The following RALA variants were observed in gnomAD, a reference collection of about 807,000 sequenced individuals.
RALA encodes the protein ras-related protein Ral-A.
Under a neutral mutation model 24.0 loss-of-function variants are expected in RALA, and 5 were observed. That is an observed-to-expected ratio of 0.21 (90% CI 0.11 to 0.44). RALA has a LOEUF of 0.44. RALA is among the 20% of genes least tolerant of loss of function. The probability of loss-of-function intolerance (pLI) is 0.99; values close to 1 mark genes in which losing one functional copy is unlikely to be tolerated. For missense variants in RALA, 95 were observed against 241.2 expected (o/e 0.39, Z 4.01); for synonymous variants, 77 against 83.8 (o/e 0.92, Z 0.44).
Position 39,686,849 on chromosome 7 carries a change from G to A in RALA, c.114+68G>A. The A allele has an allele frequency of 3.2e-6, 4 of 1,231,066 alleles. No individual in the cohort carries two copies. The South Asian group carries it at 5.2e-5, about 16-fold the overall frequency. 76.3% of individuals were successfully genotyped at this position (1,231,066 alleles called of 1,614,324 possible). On this transcript the variant is annotated intron_variant, in intron 2 of 4. Coordinates refer to ENST00000005257, the MANE Select transcript of RALA (RefSeq NM_005402.4). ...AGAGTATTTCCCTAGCTTAGTTTTGGTGCTATTTTGTATGGATTGTTTGAA... is the reference window on the plus strand; with the variant it reads ...AGAGTATTTCCCTAGCTTAGTTTTGATGCTATTTTGTATGGATTGTTTGAA...
chr7:39,700,033 G>A (rs936263453), intron 4 of RALA, among the ~76,000 whole-genome samples: 2 of 152,232 alleles, frequency 1.3e-5, no homozygotes, highest in Non-Finnish European at 2.9e-5. Flanking sequence ...GGCCAGCTGC[G>A]GGACTTGAGT....
In RALA at chr7:39,657,521, C is replaced by T. The variant is rs577126361; in HGVS notation, c.-37-29110C>T. Among the ~76,000 whole-genome samples, 67 of 152,244 alleles carry T rather than the reference C, an allele frequency of 4.4e-4. 1 individual carries two copies. Among genetic ancestry groups the T allele is most frequent in the African/African-American group, 1.4e-3 (60 of 41,554 alleles). On this transcript the variant is annotated intron_variant, in intron 1 of 4. Coordinates refer to ENST00000005257, the MANE Select transcript of RALA (RefSeq NM_005402.4). ...ATACTGAAGGATATTGTATTGGAGACGGTCCCAGGAAAGCCCTACTTTCTG... is the reference window on the plus strand; with the variant it reads ...ATACTGAAGGATATTGTATTGGAGATGGTCCCAGGAAAGCCCTACTTTCTG...
chr7:39,660,006 C>CT (rs1177145497), intron 1 of RALA, among the ~76,000 whole-genome samples: 1 of 152,122 alleles, frequency 6.6e-6, no homozygotes, highest in Non-Finnish European at 1.5e-5. Context: ...GAGTCTGAAT[C>CT]TGTCTGCCCA....
At position 39,634,872 on chromosome 7, in the gene RALA, T is replaced by A. The variant is rs1791659886; in HGVS notation, c.-38+11047T>A. 1.3e-5 allele frequency among the ~76,000 whole-genome samples: 2 copies of A among 152,258 alleles called. 1 individual carries two copies. The highest frequency in any genetic ancestry group is 1.3e-4 in the Admixed American group (2 of 15,292). On this transcript the variant is annotated intron_variant, in intron 1 of 4. Transcript: ENST00000005257. ...AATCCATTTCTTTGTTTTGTTAAAG[T>A]TTCTACTTATCTGGTTACAACTGCT... is the stretch of plus-strand genomic sequence containing the variant.
intron 4 of RALA, among the ~76,000 whole-genome samples, chr7:39,705,756 TTAA>T (rs1172456246): frequency 5.9e-5 from 9 of 151,592 alleles, no homozygotes; most frequent in Non-Finnish European, 8.8e-5. Context: ...TAAATATAAA[TTAA>T]TAAAATACAT....
intron 4 of RALA, among the ~76,000 whole-genome samples, chr7:39,701,465 C>G (rs1793025241): frequency 6.6e-6 from 1 of 152,158 alleles, no homozygotes; most frequent in South Asian, 2.1e-4. Flanking sequence ...GAGCCGAGAT[C>G]ATAACCACTA....
chr7:39,672,042 G>A (rs1301985382), intron 1 of RALA, among the ~76,000 whole-genome samples: 2 of 151,972 alleles, frequency 1.3e-5, no homozygotes, highest in Non-Finnish European at 2.9e-5. Context: ...AAACATAGTA[G>A]TTAATTTGCC....
chr7:39,644,812 T>C (rs1791897389), intron 1 of RALA, among the ~76,000 whole-genome samples: 1 of 152,246 alleles, frequency 6.6e-6, no homozygotes, highest in African/African-American at 2.4e-5. Flanking sequence ...TGCTATTTCT[T>C]GATTGTTTAA....
rs70996832 is a variant in RALA at position 39,681,302 on chromosome 7, C to CTTTTTTTTTTTTT, written c.-37-5308_-37-5296dup. On this transcript the variant is annotated intron_variant, in intron 1 of 4. Transcript: ENST00000005257. ...TCCTCAACCCAAACCCACCCTATTC[C>CTTTTTTTTTTTTT]TTTTTTTTTTTTTTTTTTTTTTTTT... is the stretch of plus-strand genomic sequence containing the variant. Among the ~76,000 whole-genome samples the CTTTTTTTTTTTTT allele has an allele frequency of 2.9e-3, 145 of 50,050 alleles. 24 individuals carry two copies. Among genetic ancestry groups the CTTTTTTTTTTTTT allele is most frequent in the Non-Finnish European group, 4.5e-3 (126 of 28,090 alleles). The allele number at this position is 50,050 out of a possible 152,430, so 32.8% of individuals were successfully genotyped here.
chr7:39,629,752 C>T (rs1295727664), intron 1 of RALA, among the ~76,000 whole-genome samples: 5 of 152,000 alleles, frequency 3.3e-5, no homozygotes, highest in South Asian at 2.1e-4. Context: ...CGTGCCACCA[C>T]GCCTGGCTAA....
chr7:39,679,873 G>A (rs149684736), intron 1 of RALA, among the ~76,000 whole-genome samples: 2,255 of 152,062 alleles, frequency 0.015, 40 homozygotes, highest in African/African-American at 0.05. Context: ...ACCATGCCTG[G>A]CTAATTTTTA....
intron 1 of RALA, among the ~76,000 whole-genome samples, chr7:39,639,815 T>G (rs1192243902): frequency 6.6e-6 from 1 of 152,080 alleles, no homozygotes; most frequent in Non-Finnish European, 1.5e-5. Flanking sequence ...CACCGTCCTG[T>G]TGCAGGATGC....
chr7:39,704,529 G>A (rs907198125), intron 4 of RALA, among the ~76,000 whole-genome samples: 2 of 151,848 alleles, frequency 1.3e-5, no homozygotes, highest in African/African-American at 4.8e-5. Flanking sequence ...TGTTGGCCAG[G>A]CTGGTCTTGA....
At chr7:39,674,235 G>A (rs1300247847) in intron 1 of RALA, among the ~76,000 whole-genome samples, 6 of 152,068 alleles carry the variant, frequency 3.9e-5, no homozygotes, top group Non-Finnish European at 5.9e-5. Context: ...TAGAGCCGCT[G>A]TACTGGGCCT....
In RALA at chr7:39,707,644, T is replaced by C. The variant is rs1182300543; in HGVS notation, c.*1399T>C. On this transcript the variant is annotated 3_prime_UTR_variant, in exon 5 of 5. Transcript: ENST00000005257. ...TTGCAGTGGGGCTAGGACAGTTGAT[T>C]CAACAAAGTATTTTTTTCTTTTTTC... 8.5e-5 allele frequency: 13 copies of C among 152,546 alleles called. No homozygotes were observed. The allele number at this position is 152,546 out of a possible 1,614,324, so 9.4% of individuals were successfully genotyped here. A position where few individuals can be genotyped will look rare whatever the true frequency, so the allele number is the denominator to read the frequency against.
chr7:39,650,438 A>G (rs1014434420), intron 1 of RALA, among the ~76,000 whole-genome samples: 1 of 152,230 alleles, frequency 6.6e-6, no homozygotes, highest in Non-Finnish European at 1.5e-5. Context: ...GATTTACAGT[A>G]ACTGAAGAAA....
intron 1 of RALA, among the ~76,000 whole-genome samples, chr7:39,662,532 A>G (rs573222082): frequency 2.5e-4 from 38 of 152,274 alleles, no homozygotes; most frequent in African/African-American, 9.1e-4. Flanking sequence ...TTAGAGTTCC[A>G]CAGATCTCTA....
At chr7:39,671,766 G>C (rs1196725422) in intron 1 of RALA, among the ~76,000 whole-genome samples, 1 of 152,108 alleles carries the variant, frequency 6.6e-6, no homozygotes, top group Non-Finnish European at 1.5e-5. Flanking sequence ...ACTTTTCTTA[G>C]TTCAGTCTTT....
chr7:39,636,223 C>T (rs969449557), intron 1 of RALA, among the ~76,000 whole-genome samples: 1 of 152,060 alleles, frequency 6.6e-6, no homozygotes. Flanking sequence ...GGTGTATATA[C>T]CTAGGAGTGG....
Sources: gnomAD v4.1 joint callset for allele counts (sites outside exome capture counted in the v4.1 genomes callset) on GRCh38, gnomAD v4.1.1 for gene constraint, MANE v1.5 for transcripts, NCBI Gene and HGNC (gene_info 2026-07-23, HGNC 2026-07-21) for gene names.